ADD2: variants seen among roughly 807,000 people sequenced by gnomAD.
ADD2 encodes beta-adducin.
ADD2 carries 23 observed loss-of-function variants against 83.0 expected under a neutral mutation model. That is an observed-to-expected ratio of 0.28 (90% CI 0.20 to 0.39). The LOEUF is 0.39. Among genes scored for constraint, ADD2 ranks in the 10% least tolerant of loss-of-function variants. The pLI is 1.00. For missense variants in ADD2, 758 were observed against 944.9 expected (o/e 0.80, Z 2.59); for synonymous variants, 375 against 375.4 (o/e 1.00, Z 0.01).
chr2:70,699,764 G>A (rs1671494411), intron 4 of ADD2, among the ~76,000 whole-genome samples: 1 of 151,944 alleles, frequency 6.6e-6, no homozygotes, highest in African/African-American at 2.4e-5. Flanking sequence ...TAGGAGACAG[G>A]GCAAGATCCT....
chr2:70,678,017 G>T, intron 11 of ADD2, 140 bp from the exon 12 acceptor site: 1 of 1,153,482 alleles, frequency 8.7e-7, no homozygotes, highest in Middle Eastern at 2.6e-4. Context: ...CTCTTCTTAG[G>T]CCTCTTTGAT....
At chr2:70,697,807 G>A (rs1338274138) in intron 4 of ADD2, among the ~76,000 whole-genome samples, 1 of 152,168 alleles carries the variant, frequency 6.6e-6, no homozygotes, top group Non-Finnish European at 1.5e-5. Context: ...AAAAAGCGAG[G>A]GCAGACTGGG....
rs1670982066 is a variant in ADD2, at chr2:70,690,697, C to T, written c.849+89G>A. On this transcript the variant is annotated intron_variant, in intron 8 of 15. Transcript: ENST00000264436. The stretch of plus-strand genomic sequence containing the variant: ...TTTTTTTTCCCCCCTCTCTCCCTCC[C>T]TTATTGTCCAATGAACATATGTCAC... 15 of 1,448,898 alleles carry T rather than the reference C, an allele frequency of 1.0e-5. No homozygotes were observed. The South Asian group carries it at 1.6e-4, about 15-fold the overall frequency. The allele number at this position is 1,448,898 out of a possible 1,614,324, so 89.8% of individuals were successfully genotyped here.
intron 1 of ADD2, among the ~76,000 whole-genome samples, chr2:70,762,658 G>A (rs1316286611): frequency 6.7e-6 from 1 of 148,962 alleles, no homozygotes; most frequent in African/African-American, 2.5e-5. Context: ...GGATTTAAAG[G>A]GCATGCTAAA....
intron 1 of ADD2, among the ~76,000 whole-genome samples, chr2:70,751,426 G>A (rs544654070): frequency 3.9e-5 from 6 of 152,276 alleles, no homozygotes; most frequent in South Asian, 2.1e-4. Context: ...ACAGTGTTAC[G>A]TTTGGTGTTA....
At chr2:70,691,254 C>A (rs1489153118) in intron 7 of ADD2, among the ~76,000 whole-genome samples, 1 of 152,178 alleles carries the variant, frequency 6.6e-6, no homozygotes, top group Non-Finnish European at 1.5e-5. Context: ...CAGCTTTGCT[C>A]TTGTCATACA....
intron 1 of ADD2, among the ~76,000 whole-genome samples, chr2:70,733,258 T>A (rs1673370935): frequency 6.6e-6 from 1 of 152,152 alleles, no homozygotes; most frequent in African/African-American, 2.4e-5. Context: ...GCTCGTCTTC[T>A]CCCCAGTGAT....
intron 1 of ADD2, among the ~76,000 whole-genome samples, chr2:70,713,716 G>T (rs932467125): frequency 1.3e-5 from 2 of 152,110 alleles, no homozygotes; most frequent in African/African-American, 2.4e-5. Flanking sequence ...GGCTGGCAAG[G>T]CCTCCAGGGA....
At chr2:70,698,320 G>C (rs782266184) in intron 4 of ADD2, among the ~76,000 whole-genome samples, 1 of 152,140 alleles carries the variant, frequency 6.6e-6, no homozygotes, top group Non-Finnish European at 1.5e-5. Flanking sequence ...CCCCAACCCC[G>C]TGGAGGTTCA....
At chr2:70,759,244 G>A (rs1553384437) in intron 1 of ADD2, among the ~76,000 whole-genome samples, 1 of 152,194 alleles carries the variant, frequency 6.6e-6, no homozygotes, top group Non-Finnish European at 1.5e-5. Context: ...TGCCCTGGAA[G>A]CTTGCAGGAT....
At chr2:70,715,269 A>G (rs3755370) in intron 1 of ADD2, among the ~76,000 whole-genome samples, 97,839 of 151,416 alleles carry the variant, frequency 0.65, 33,862 homozygotes, top group African/African-American at 0.89. Flanking sequence ...CAGGGCTGCC[A>G]TCCTGGGGGA....
chr2:70,752,862 C>T (rs912063740), intron 1 of ADD2, among the ~76,000 whole-genome samples: 1 of 152,190 alleles, frequency 6.6e-6, no homozygotes, highest in Non-Finnish European at 1.5e-5. Flanking sequence ...AATGCAAACT[C>T]TCAGGCCCCA....
In ADD2 at chr2:70,690,826, T is replaced by G; in HGVS notation, c.809A>C (p.Asp270Ala). 1 of 1,614,192 alleles carries G rather than the reference T, an allele frequency of 6.2e-7. No homozygotes were observed. The highest frequency in any genetic ancestry group is 8.5e-7 in the Non-Finnish European group (1 of 1,180,036). The change falls in exon 8 of 16, where the codon GAT becomes GCT. Residue 270 changes from aspartate (D) to alanine (A), a missense_variant. Asp to Ala is a moderately radical substitution (Grantham distance 126, BLOSUM62 -2). This residue lies in a region of ADD2 where 394 missense variants were observed against 509.3 expected (regional missense o/e 0.77). Coordinates refer to ENST00000264436, the MANE Select transcript of ADD2 (RefSeq NM_001617.4). ...DFNGEMEQEADRINLQKCLGP... is the reference protein window; with the variant it reads ...DFNGEMEQEAARINLQKCLGP... ...AAGGCACTTCTGCAGGTTGATCCGA[T>G]CGGCTTCCTGCTCCATTTCCCCATT... is the stretch of plus-strand genomic sequence containing the variant.
chr2:70,763,858 A>T (rs782281276), intron 1 of ADD2, among the ~76,000 whole-genome samples: 64 of 151,770 alleles, frequency 4.2e-4, no homozygotes, highest in Non-Finnish European at 7.2e-4. Context: ...GGTGTCACTT[A>T]ACCATCAGAA....
intron 10 of ADD2, 127 bp downstream of exon 10, chr2:70,683,460 CATCA>C (rs1670563193): frequency 3.0e-6 from 3 of 1,005,146 alleles, no homozygotes; most frequent in Non-Finnish European, 4.3e-6. Flanking sequence ...TCAAATTTCC[CATCA>C]ATGAGGCTTC....
intron 1 of ADD2, chr2:70,760,465 T>C (rs1479545285): frequency 6.6e-6 from 1 of 152,224 alleles, no homozygotes; most frequent in African/African-American, 2.4e-5. Context: ...GTAGTCACCA[T>C]GGAGATGTTA....
chr2:70,756,845 T>A (rs1674818921), intron 1 of ADD2, among the ~76,000 whole-genome samples: 1 of 152,304 alleles, frequency 6.6e-6, no homozygotes, highest in African/African-American at 2.4e-5. Flanking sequence ...TTTTTCCTTT[T>A]GAAACAGAGT....
In ADD2 at chr2:70,767,849, C is replaced by G. The variant is rs1411284544; in HGVS notation, c.-154+37G>C. 2.0e-6 allele frequency: 3 copies of G among 1,534,544 alleles called. No individual in the cohort carries two copies. In the African/African-American group the frequency reaches 4.1e-5, roughly 21 times the overall value. On this transcript the variant is annotated intron_variant, in intron 1 of 15. Transcript: ENST00000264436. ...TCTCCGCGCCAGGAGACCAGCGACCCCAGGCAGCCCACCAGGCCCGCTCCC... is the reference window on the plus strand; with the variant it reads ...TCTCCGCGCCAGGAGACCAGCGACCGCAGGCAGCCCACCAGGCCCGCTCCC...
intron 4 of ADD2, among the ~76,000 whole-genome samples, chr2:70,698,992 C>G (rs1448532723): frequency 6.6e-6 from 1 of 152,114 alleles, no homozygotes; most frequent in African/African-American, 2.4e-5. Context: ...CTTCCCCTCT[C>G]CGCATCCCTG....
Sources: allele counts gnomAD v4.1 joint callset (sites outside exome capture counted in the v4.1 genomes callset), GRCh38; gene constraint gnomAD v4.1.1; regional missense constraint gnomAD v4.1.1; transcripts MANE v1.5; gene names NCBI Gene and HGNC (gene_info 2026-07-23, HGNC 2026-07-21).